The following NRXN1 variants were observed in gnomAD, a reference collection of about 807,000 sequenced individuals.
NRXN1 encodes neurexin-1.
Under a neutral mutation model 150.9 loss-of-function variants are expected in NRXN1, and 39 were observed. The ratio of observed to expected loss-of-function variants is 0.26; its 90% confidence interval spans 0.20 to 0.34. The LOEUF (loss-of-function observed/expected upper bound fraction) is 0.34. Ranked by LOEUF, NRXN1 falls within the 10% of genes least tolerant of loss-of-function variation. The pLI, the probability that NRXN1 is intolerant of heterozygous loss-of-function variation, is 1.00. For synonymous variants in NRXN1, 924 were observed against 757.0 expected, an observed-to-expected ratio of 1.22 and a Z score of -3.62; for missense variants, 1,815 against 1,949.9, an observed-to-expected ratio of 0.93 and a Z score of 1.30.
chr2:50,513,749 A>G (rs1360508426), intron 12 of NRXN1, among the ~76,000 whole-genome samples: 2 of 152,130 alleles, frequency 1.3e-5, no homozygotes, highest in Non-Finnish European at 2.9e-5. Flanking sequence ...AAGACCTCTA[A>G]GAGACAAAAC....
chr2:50,594,678 T>C (rs1183548016), intron 8 of NRXN1, among the ~76,000 whole-genome samples: 1 of 152,184 alleles, frequency 6.6e-6, no homozygotes. Flanking sequence ...TACCTAATCA[T>C]TGAAGAAATA....
chr2:50,915,252 A>G (rs2104170763), intron 5 of NRXN1, among the ~76,000 whole-genome samples: 1 of 151,774 alleles, frequency 6.6e-6, no homozygotes, highest in Middle Eastern at 3.4e-3. Flanking sequence ...AAAATGTGGT[A>G]TTCAGATAAC....
At position 50,935,107 on chromosome 2, in the gene NRXN1, T is replaced by C. The variant is rs1688329037; in HGVS notation, c.773-9152A>G. ...TTTTCAATGTAAGAGTTTAATAAGC[T>C]TTTAACAGAGTAGTTTTAAAATTAA... On this transcript the variant is annotated intron_variant, in intron 2 of 22. Transcript: ENST00000401669. 2.0e-5 allele frequency among the ~76,000 whole-genome samples: 3 copies of C among 152,318 alleles called. No homozygotes were observed. In the South Asian group the frequency reaches 6.2e-4, roughly 32 times the overall value.
At chr2:50,920,928 C>A (rs1007438625) in intron 5 of NRXN1, among the ~76,000 whole-genome samples, 2 of 151,478 alleles carry the variant, frequency 1.3e-5, no homozygotes, top group Admixed American at 6.6e-5. Context: ...CTTTTTCAAG[C>A]AGAAAAGTTT....
In NRXN1 at chr2:50,696,778, T is replaced by C. The variant is rs377471222; in HGVS notation, c.833-73163A>G. Among the ~76,000 whole-genome samples the C allele has an allele frequency of 3.0e-4, 45 of 152,254 alleles. No individual in the cohort carries two copies. In the South Asian group the frequency reaches 7.9e-3, roughly 27 times the overall value. Reference sequence around the variant, plus strand: ...TTTATTTGATTTAAATGGTAGAAAGTGTTAATTACTAAGTTTCATATACTA... The same window carrying C: ...TTTATTTGATTTAAATGGTAGAAAGCGTTAATTACTAAGTTTCATATACTA... On this transcript the variant is annotated intron_variant, in intron 5 of 22. Coordinates refer to ENST00000401669, the MANE Select transcript of NRXN1 (RefSeq NM_001330078.2).
chr2:50,910,694 G>T (rs1684391877), intron 5 of NRXN1, among the ~76,000 whole-genome samples: 1 of 151,888 alleles, frequency 6.6e-6, no homozygotes, highest in Admixed American at 6.6e-5. Flanking sequence ...TATAATAGAG[G>T]TAAATATTAG....
chr2:50,541,704 C>T (rs933975231), intron 9 of NRXN1, among the ~76,000 whole-genome samples: 2 of 150,116 alleles, frequency 1.3e-5, no homozygotes, highest in African/African-American at 4.9e-5. Context: ...CACCCACCCA[C>T]CCACACCCAC....
intron 2 of NRXN1, among the ~76,000 whole-genome samples, chr2:50,929,639 A>C (rs562668044): frequency 1.3e-5 from 2 of 152,082 alleles, no homozygotes; most frequent in East Asian, 3.9e-4. Flanking sequence ...TGGTGGTGGT[A>C]ACAGGCAGTG....
chr2:50,858,792 T>G (rs994178608), intron 5 of NRXN1, among the ~76,000 whole-genome samples: 8 of 152,150 alleles, frequency 5.3e-5, no homozygotes, highest in Admixed American at 4.6e-4. Flanking sequence ...CATATTTCTA[T>G]ATAAAATTGC....
intron 17 of NRXN1, among the ~76,000 whole-genome samples, chr2:50,426,757 A>G (rs896320406): frequency 1.1e-4 from 17 of 152,186 alleles, no homozygotes; most frequent in Non-Finnish European, 2.9e-5. Context: ...GAATATAGCT[A>G]CCCAAACCTT....
chr2:50,025,276 C>T (rs188853785), intron 21 of NRXN1, among the ~76,000 whole-genome samples: 108 of 152,296 alleles, frequency 7.1e-4, no homozygotes, highest in Non-Finnish European at 1.3e-3. Flanking sequence ...TATCCAACCA[C>T]GGCTTTACAA....
chr2:50,802,079 T>A (rs941590185), intron 5 of NRXN1, among the ~76,000 whole-genome samples: 2 of 152,146 alleles, frequency 1.3e-5, no homozygotes, highest in Non-Finnish European at 2.9e-5. Context: ...GAAAATAATA[T>A]ATGATAAAGA....
chr2:50,939,228 A>G (rs929255339), intron 2 of NRXN1, among the ~76,000 whole-genome samples: 149 of 151,096 alleles, frequency 9.9e-4, no homozygotes, highest in African/African-American at 3.6e-3. Context: ...AAAAAAAAAA[A>G]AAAAAAAAAT....
intron 5 of NRXN1, among the ~76,000 whole-genome samples, chr2:50,788,481 T>G (rs1705459947): frequency 6.6e-6 from 1 of 152,078 alleles, no homozygotes; most frequent in South Asian, 2.1e-4. Context: ...TCCATGAGTC[T>G]GACGCTTCTG....
intron 17 of NRXN1, among the ~76,000 whole-genome samples, chr2:50,438,379 C>G (rs1267234328): frequency 1.3e-5 from 2 of 152,208 alleles, no homozygotes; most frequent in Non-Finnish European, 2.9e-5. Flanking sequence ...ACCAGTGAAT[C>G]TTTGCTTCTA....
At chr2:50,091,119 C>A (rs1699496300) in intron 19 of NRXN1, among the ~76,000 whole-genome samples, 1 of 152,092 alleles carries the variant, frequency 6.6e-6, no homozygotes. Context: ...TAATGTACAC[C>A]TTCACGTTCT....
At chr2:50,895,452 A>G (rs1003175600) in intron 5 of NRXN1, among the ~76,000 whole-genome samples, 1 of 152,206 alleles carries the variant, frequency 6.6e-6, no homozygotes. Flanking sequence ...CGTAACATAA[A>G]GAGGCTGTAT....
At chr2:50,063,221 T>C (rs1694826226) in intron 19 of NRXN1, among the ~76,000 whole-genome samples, 1 of 152,212 alleles carries the variant, frequency 6.6e-6, no homozygotes, top group South Asian at 2.1e-4. Context: ...ACTTGGCTGA[T>C]AATGTTCCAA....
chr2:50,037,384 C>T (rs761040510), intron 21 of NRXN1, among the ~76,000 whole-genome samples: 77 of 152,020 alleles, frequency 5.1e-4, no homozygotes, highest in Non-Finnish European at 8.4e-4. Context: ...CCAAAATCTT[C>T]CTCTCCTTCT....
Sources: gnomAD v4.1 joint callset for allele counts (sites outside exome capture counted in the v4.1 genomes callset) on GRCh38, gnomAD v4.1.1 for gene constraint, MANE v1.5 for transcripts, NCBI Gene and HGNC (gene_info 2026-07-23, HGNC 2026-07-21) for gene names.